FHIP1A: variants seen among roughly 807,000 people sequenced by gnomAD.
FHIP1A encodes FHF complex subunit HOOK-interacting protein 1A.
FHIP1A carries 61 observed loss-of-function variants against 88.6 expected under a neutral mutation model. That is an observed-to-expected ratio of 0.69 (90% CI 0.56 to 0.85). FHIP1A has a LOEUF of 0.85. FHIP1A is among the 40% of genes least tolerant of loss of function. The pLI is 0.00. For synonymous variants in FHIP1A, 478 were observed against 496.0 expected (o/e 0.96, Z 0.48); for missense variants, 1,154 against 1,273.5 (o/e 0.91, Z 1.43).
At chr4:151,588,189 TTAG>T (rs999444725) in intron 6 of FHIP1A, among the ~76,000 whole-genome samples, 5 of 151,938 alleles carry the variant, frequency 3.3e-5, no homozygotes, top group African/African-American at 1.2e-4. Context: ...ATGAAAGATA[TTAG>T]TAGAGGGTTA....
At chr4:151,431,596 A>C (rs147134803) in intron 1 of FHIP1A, among the ~76,000 whole-genome samples, 13 of 152,224 alleles carry the variant, frequency 8.5e-5, no homozygotes, top group African/African-American at 3.1e-4. Flanking sequence ...GGCTTCAGGA[A>C]GTCTTAGGTA....
chr4:151,459,946 G>A lies in FHIP1A; in HGVS notation c.-248+5138G>A, dbSNP rs539361237. Among the ~76,000 whole-genome samples, 8 of 152,226 alleles carry A rather than the reference G, an allele frequency of 5.3e-5. No homozygotes were observed. The East Asian group carries it at 1.3e-3, about 26-fold the overall frequency. ...ATATATTTTTTATCATATGACAGAT[G>A]CTCTTAATTTTATGGACAAATGAAA... On this transcript the variant is annotated intron_variant, in intron 2 of 13. Transcript: ENST00000435205.
At chr4:151,440,614 A>C (rs756244505) in intron 1 of FHIP1A, among the ~76,000 whole-genome samples, 5 of 152,126 alleles carry the variant, frequency 3.3e-5, no homozygotes, top group African/African-American at 4.8e-5. Context: ...GGGATTTAGG[A>C]TAGTCACCAC....
In FHIP1A at chr4:151,666,997, C is replaced by G. The variant is rs1014995670; in HGVS notation, c.*4243C>G. On this transcript the variant is annotated 3_prime_UTR_variant, in exon 14 of 14. Coordinates refer to ENST00000435205, the MANE Select transcript of FHIP1A (RefSeq NM_001109977.3). ...ATTTAAGGGCAGTTCAATGTAATTGCTAATTACCAGCCCTGTATTTACTGA... is the reference window on the plus strand; with the variant it reads ...ATTTAAGGGCAGTTCAATGTAATTGGTAATTACCAGCCCTGTATTTACTGA... Among the ~76,000 whole-genome samples, 1 of 152,206 alleles carries G rather than the reference C, an allele frequency of 6.6e-6. No individual in the cohort carries two copies. Among genetic ancestry groups the G allele is most frequent in the African/African-American group, 2.4e-5 (1 of 41,454 alleles).
intron 13 of FHIP1A, among the ~76,000 whole-genome samples, chr4:151,660,450 G>T (rs1737415066): frequency 6.6e-6 from 1 of 152,212 alleles, no homozygotes; most frequent in South Asian, 2.1e-4. Flanking sequence ...GGAGAATGGG[G>T]AGAGGAATAC....
intron 3 of FHIP1A, among the ~76,000 whole-genome samples, chr4:151,532,439 C>T (rs1731913318): frequency 6.6e-6 from 1 of 152,190 alleles, no homozygotes; most frequent in South Asian, 2.1e-4. Context: ...TTTTTCTACC[C>T]TCATGGCCAC....
intron 5 of FHIP1A, among the ~76,000 whole-genome samples, chr4:151,580,462 G>A (rs1263993041): frequency 1.3e-5 from 2 of 152,154 alleles, no homozygotes; most frequent in East Asian, 3.9e-4. Context: ...ACTTATCAGA[G>A]TAGTAAGTAT....
At chr4:151,472,583 G>A (rs891464656) in intron 2 of FHIP1A, among the ~76,000 whole-genome samples, 1 of 149,940 alleles carries the variant, frequency 6.7e-6, no homozygotes, top group Admixed American at 6.7e-5. Flanking sequence ...CTTTGAGCCT[G>A]CCTCTGAAAA....
At chr4:151,479,388 A>G (rs1420924985) in intron 2 of FHIP1A, among the ~76,000 whole-genome samples, 1 of 152,090 alleles carries the variant, frequency 6.6e-6, no homozygotes, top group Admixed American at 6.6e-5. Context: ...TAACGTGCTT[A>G]ATGGAATCAG....
At chr4:151,618,959 A>G (rs1029420934) in intron 7 of FHIP1A, among the ~76,000 whole-genome samples, 2 of 152,210 alleles carry the variant, frequency 1.3e-5, no homozygotes, top group Non-Finnish European at 2.9e-5. Context: ...TAATGCAAGT[A>G]CCTTAAGCAC....
chr4:151,568,698 C>T (rs750292246), intron 4 of FHIP1A, among the ~76,000 whole-genome samples: 9 of 151,980 alleles, frequency 5.9e-5, no homozygotes, highest in Non-Finnish European at 1.2e-4. Flanking sequence ...AAATGAATAA[C>T]CATGATTACA....
At chr4:151,414,136 C>T (rs1488865742) in intron 1 of FHIP1A, among the ~76,000 whole-genome samples, 1 of 152,010 alleles carries the variant, frequency 6.6e-6, no homozygotes, top group Middle Eastern at 3.2e-3. Flanking sequence ...CTGCAACCTC[C>T]GCCTTCCAGG....
At chr4:151,538,715 G>T (rs1168691661) in intron 3 of FHIP1A, among the ~76,000 whole-genome samples, 1 of 152,152 alleles carries the variant, frequency 6.6e-6, no homozygotes. Flanking sequence ...TCAAGTTATG[G>T]CGGAACTGTG....
intron 3 of FHIP1A, among the ~76,000 whole-genome samples, chr4:151,515,847 T>A (rs1731214782): frequency 6.6e-6 from 1 of 152,142 alleles, no homozygotes; most frequent in Admixed American, 6.5e-5. Context: ...GTAGGAAGAA[T>A]CAATATCGTG....
In FHIP1A at chr4:151,577,654, TG is replaced by T; in HGVS notation, c.312del (p.Trp104Ter). ...SENIMEKLFL[W>X]SLRREFTDET... ...GAACATCATGGAGAAACTTTTCCTTTGGAGCTTGAGAAGGGAGTTTACTGAT... is the reference window on the plus strand; with the variant it reads ...GAACATCATGGAGAAACTTTTCCTTTGAGCTTGAGAAGGGAGTTTACTGAT... On this transcript the variant is annotated frameshift_variant, in exon 5 of 14. Transcript: ENST00000435205. LOFTEE classifies it high-confidence loss of function. 1 of 1,551,740 alleles carries T rather than the reference TG, an allele frequency of 6.4e-7. No homozygotes were observed.
At chr4:151,637,694 C>A (rs1315815775) in intron 8 of FHIP1A, among the ~76,000 whole-genome samples, 1 of 152,090 alleles carries the variant, frequency 6.6e-6, no homozygotes, top group African/African-American at 2.4e-5. Context: ...TAGGAGTTAG[C>A]CCATGGGGGA....
intron 7 of FHIP1A, among the ~76,000 whole-genome samples, chr4:151,612,650 G>C (rs997534056): frequency 6.6e-6 from 1 of 152,068 alleles, no homozygotes; most frequent in Non-Finnish European, 1.5e-5. Flanking sequence ...CCAAAGTGTT[G>C]GGATTACAGG....
chr4:151,517,121 C>T (rs1169269142), intron 3 of FHIP1A, among the ~76,000 whole-genome samples: 4 of 152,098 alleles, frequency 2.6e-5, no homozygotes, highest in Non-Finnish European at 5.9e-5. Flanking sequence ...ACTATGCAGC[C>T]ATAAAAAATG....
chr4:151,451,753 A>G (rs1728796285), intron 1 of FHIP1A, among the ~76,000 whole-genome samples: 1 of 151,800 alleles, frequency 6.6e-6, no homozygotes, highest in African/African-American at 2.4e-5. Context: ...TGACATTTTT[A>G]TAATAAAGTG....
Sources: gnomAD v4.1 joint callset for allele counts (sites outside exome capture counted in the v4.1 genomes callset) on GRCh38, gnomAD v4.1.1 for gene constraint, MANE v1.5 for transcripts, NCBI Gene and HGNC (gene_info 2026-07-23, HGNC 2026-07-21) for gene names.